The following GRIK2 variants were observed in gnomAD, a reference collection of about 807,000 sequenced individuals.
GRIK2 encodes glutamate receptor ionotropic, kainate 2.
GRIK2 carries 32 observed loss-of-function variants against 100.3 expected under a neutral mutation model. The ratio of observed to expected loss-of-function variants is 0.32; its 90% CI spans 0.24 to 0.43. The LOEUF (loss-of-function observed/expected upper bound fraction) is 0.43. GRIK2 is among the 20% of genes least tolerant of loss of function. The pLI is 1.00. For missense variants in GRIK2, 843 were observed against 1,114.9 expected (o/e 0.76, Z 3.47); for synonymous variants, 417 against 389.4 (o/e 1.07, Z -0.83).
intron 2 of GRIK2, among the ~76,000 whole-genome samples, chr6:101,439,769 C>T (rs1250614085): frequency 6.6e-6 from 1 of 151,804 alleles, no homozygotes; most frequent in Non-Finnish European, 1.5e-5. Flanking sequence ...GCTATCTTAC[C>T]TATGATGTAA....
At chr6:101,920,184 T>C (rs1481468728) in intron 12 of GRIK2, among the ~76,000 whole-genome samples, 5 of 151,928 alleles carry the variant, frequency 3.3e-5, no homozygotes, top group Non-Finnish European at 7.4e-5. Flanking sequence ...AAAGATATAC[T>C]TGGGTTACAC....
rs1038237517 is a variant in GRIK2 at position 101,417,294 on chromosome 6, A to G, written c.115+17902A>G. The stretch of plus-strand genomic sequence containing the variant: ...GGGATTAGGGGAGCTACAATTCAAG[A>G]TGAGATTTGGTTGGGGACACAGCCA... On this transcript the variant is annotated intron_variant, in intron 2 of 16. Transcript: ENST00000369134. Among the ~76,000 whole-genome samples the G allele has an allele frequency of 3.9e-5, 6 of 152,280 alleles. No homozygotes were observed. The South Asian group carries it at 1.2e-3, about 32-fold the overall frequency.
At chr6:101,897,889 TGG>T (rs751994804) in intron 12 of GRIK2, among the ~76,000 whole-genome samples, 2 of 151,892 alleles carry the variant, frequency 1.3e-5, no homozygotes, top group Non-Finnish European at 2.9e-5. Context: ...CAATTTTACT[TGG>T]ATAAAGCTGT....
intron 9 of GRIK2, among the ~76,000 whole-genome samples, chr6:101,807,993 G>GT (rs1329646588): frequency 6.6e-6 from 1 of 151,794 alleles, no homozygotes; most frequent in Non-Finnish European, 1.5e-5. Flanking sequence ...CAATAAAATT[G>GT]TTTTTTTGGT....
At chr6:101,475,276 T>A (rs1474025572) in intron 2 of GRIK2, among the ~76,000 whole-genome samples, 1 of 151,916 alleles carries the variant, frequency 6.6e-6, no homozygotes, top group Non-Finnish European at 1.5e-5. Context: ...TCTAGTAAAT[T>A]TAAAAAAGTC....
intron 2 of GRIK2, among the ~76,000 whole-genome samples, chr6:101,563,402 T>A (rs1777115777): frequency 6.6e-6 from 1 of 152,188 alleles, no homozygotes; most frequent in Non-Finnish European, 1.5e-5. Context: ...ATCTTAATAA[T>A]TCGATTCAGA....
At chr6:101,914,244 G>C (rs1788948457) in intron 12 of GRIK2, among the ~76,000 whole-genome samples, 1 of 151,274 alleles carries the variant, frequency 6.6e-6, no homozygotes, top group Non-Finnish European at 1.5e-5. Context: ...CTGGATTGTG[G>C]GACAATGCTT....
intron 14 of GRIK2, among the ~76,000 whole-genome samples, chr6:101,982,137 T>C (rs1793747270): frequency 6.6e-6 from 1 of 151,950 alleles, no homozygotes; most frequent in Non-Finnish European, 1.5e-5. Flanking sequence ...AATCCACTTA[T>C]ATCAATTTGT....
intron 2 of GRIK2, among the ~76,000 whole-genome samples, chr6:101,485,885 G>T (rs957475575): frequency 6.7e-6 from 1 of 148,676 alleles, no homozygotes; most frequent in South Asian, 2.1e-4. Flanking sequence ...GGTATAAAAC[G>T]TAATTAGCAG....
At chr6:101,948,719 G>A (rs2128478213) in intron 14 of GRIK2, among the ~76,000 whole-genome samples, 1 of 151,948 alleles carries the variant, frequency 6.6e-6, no homozygotes, top group Non-Finnish European at 1.5e-5. Flanking sequence ...AAGTGATCCT[G>A]CTGCCTCAGC....
chr6:101,702,086 T>C (rs1328897547), intron 7 of GRIK2, among the ~76,000 whole-genome samples: 2 of 152,142 alleles, frequency 1.3e-5, no homozygotes, highest in East Asian at 3.9e-4. Flanking sequence ...AGTTTATTCT[T>C]GTTGTACCTA....
intron 14 of GRIK2, among the ~76,000 whole-genome samples, chr6:101,928,988 C>T (rs1441677782): frequency 2.0e-5 from 3 of 152,070 alleles, no homozygotes; most frequent in East Asian, 3.8e-4. Context: ...TTTGCTATTC[C>T]AGAAGAATAG....
At chr6:101,658,222 A>G (rs1364206845) in intron 4 of GRIK2, among the ~76,000 whole-genome samples, 2 of 152,044 alleles carry the variant, frequency 1.3e-5, no homozygotes, top group African/African-American at 4.8e-5. Flanking sequence ...CACCCCCAAC[A>G]GACCCTGGTG....
chr6:101,618,911 A>G (rs937596856), intron 2 of GRIK2, among the ~76,000 whole-genome samples: 2 of 150,552 alleles, frequency 1.3e-5, no homozygotes, highest in Admixed American at 1.3e-4. Flanking sequence ...TTCATTCGTG[A>G]TTTTTATCTT....
chr6:101,928,136 G>T (rs1319599430), intron 13 of GRIK2: 1 of 369,006 alleles, frequency 2.7e-6, no homozygotes, highest in Non-Finnish European at 4.9e-6. Flanking sequence ...TATTAAAAAT[G>T]TTTACTCATT....
At chr6:101,464,688 G>A (rs971116097) in intron 2 of GRIK2, among the ~76,000 whole-genome samples, 1 of 150,268 alleles carries the variant, frequency 6.7e-6, no homozygotes, top group East Asian at 2.0e-4. Flanking sequence ...GGCTAATTTT[G>A]TTTTTGTATT....
intron 3 of GRIK2, among the ~76,000 whole-genome samples, chr6:101,623,378 G>A (rs1024377003): frequency 3.3e-5 from 5 of 152,056 alleles, no homozygotes; most frequent in Non-Finnish European, 5.9e-5. Flanking sequence ...TGAGAAAAAG[G>A]TTAAAGGTAA....
At chr6:102,035,288 A>G in intron 14 of GRIK2, 53 bp from the exon 15 acceptor site, 2 of 982,660 alleles carry the variant, frequency 2.0e-6, no homozygotes, top group Non-Finnish European at 3.2e-6. Context: ...ATAGGAGCAC[A>G]TGGAAACTAA....
At chr6:101,764,248 A>C (rs1231004099) in intron 7 of GRIK2, among the ~76,000 whole-genome samples, 2 of 152,070 alleles carry the variant, frequency 1.3e-5, no homozygotes, top group Admixed American at 1.3e-4. Context: ...ACCCAGGTCC[A>C]TACCTCTCCT....
Sources: gnomAD v4.1 joint callset for allele counts (sites outside exome capture counted in the v4.1 genomes callset) on GRCh38, gnomAD v4.1.1 for gene constraint, MANE v1.5 for transcripts, NCBI Gene and HGNC (gene_info 2026-07-23, HGNC 2026-07-21) for gene names.